CPAMD8: variants seen among roughly 807,000 people sequenced by gnomAD.
CPAMD8 encodes C3 and PZP-like alpha-2-macroglobulin domain-containing protein 8.
CPAMD8 carries 146 observed loss-of-function variants against 224.7 expected under a neutral mutation model. That is an observed-to-expected ratio of 0.65 (90% CI 0.57 to 0.75). The LOEUF is 0.75. CPAMD8 is among the 30% of genes least tolerant of loss of function. The pLI is 0.00. For missense variants in CPAMD8, 2,301 were observed against 2,537.5 expected, an observed-to-expected ratio of 0.91 and a Z score of 2.00; for synonymous variants, 966 against 1,044.6, an observed-to-expected ratio of 0.92 and a Z score of 1.45.
At chr19:16,966,556 A>G (rs1364910990) in intron 18 of CPAMD8, among the ~76,000 whole-genome samples, 1 of 152,234 alleles carries the variant, frequency 6.6e-6, no homozygotes, top group Non-Finnish European at 1.5e-5. Flanking sequence ...TGAACAGGCA[A>G]CCTACAGATT....
intron 20 of CPAMD8, among the ~76,000 whole-genome samples, chr19:16,949,695 T>C (rs2122327333): frequency 6.6e-6 from 1 of 152,272 alleles, no homozygotes; most frequent in Admixed American, 6.5e-5. Flanking sequence ...AGCCAAACTA[T>C]GTCTGAGGCA....
intron 19 of CPAMD8, among the ~76,000 whole-genome samples, chr19:16,953,000 T>C (rs1002587848): frequency 2.6e-5 from 4 of 152,118 alleles, no homozygotes; most frequent in African/African-American, 9.7e-5. Context: ...CAAATCAATG[T>C]GTTACTGGCA....
intron 17 of CPAMD8, among the ~76,000 whole-genome samples, chr19:16,973,254 G>A (rs1426753098): frequency 1.3e-5 from 2 of 152,188 alleles, no homozygotes; most frequent in African/African-American, 4.8e-5. Context: ...AGGCATGTGG[G>A]TATTTGTCTA....
At chr19:16,918,572 C>T (rs542112500) in intron 27 of CPAMD8, among the ~76,000 whole-genome samples, 14 of 151,786 alleles carry the variant, frequency 9.2e-5, no homozygotes, top group East Asian at 5.8e-4. Context: ...CTCAGCCTCC[C>T]CAGTAGTTGG....
chr19:16,911,338 T>G (rs2144810875), intron 29 of CPAMD8, among the ~76,000 whole-genome samples: 1 of 152,188 alleles, frequency 6.6e-6, no homozygotes, highest in Middle Eastern at 3.4e-3. Context: ...TGTGAGGCAT[T>G]TGCTGGCAGA....
intron 22 of CPAMD8, among the ~76,000 whole-genome samples, chr19:16,943,398 T>C (rs2053970225): frequency 6.6e-6 from 1 of 151,986 alleles, no homozygotes; most frequent in African/African-American, 2.4e-5. Context: ...TTTATTTATT[T>C]ATTTATTCAT....
chr19:16,896,012 C>T, intron 41 of CPAMD8, 164 bp downstream of exon 41: 3 of 791,426 alleles, frequency 3.8e-6, no homozygotes, highest in South Asian at 1.4e-5. Flanking sequence ...CCACTTTGTC[C>T]CCAGGAACTC....
At chr19:16,965,350 T>C (rs1280826244) in intron 18 of CPAMD8, among the ~76,000 whole-genome samples, 1 of 151,972 alleles carries the variant, frequency 6.6e-6, no homozygotes, top group Non-Finnish European at 1.5e-5. Context: ...CTCAAAATAA[T>C]AAGGGCTATT....
intron 19 of CPAMD8, among the ~76,000 whole-genome samples, chr19:16,953,267 A>C (rs1393349572): frequency 6.6e-6 from 1 of 152,114 alleles, no homozygotes; most frequent in Non-Finnish European, 1.5e-5. Context: ...AACTCTTAGA[A>C]GAAAACAGGG....
intron 13 of CPAMD8, 79 bp from the exon 14 acceptor site, chr19:16,980,765 GC>G: frequency 8.3e-7 from 1 of 1,200,438 alleles, no homozygotes; most frequent in Non-Finnish European, 1.2e-6. Context: ...CCATTCTGGG[GC>G]CAGAGGGAGG....
intron 18 of CPAMD8, among the ~76,000 whole-genome samples, chr19:16,963,416 T>C (rs1295117200): frequency 6.6e-6 from 1 of 152,130 alleles, no homozygotes; most frequent in Non-Finnish European, 1.5e-5. Flanking sequence ...AAACAGACTT[T>C]AAACCAACAA....
rs148006937 is a variant in CPAMD8 at position 16,983,856 on chromosome 19, A to G, written c.1396-3170T>C. On this transcript the variant is annotated intron_variant, in intron 13 of 41. Transcript: ENST00000443236. ...TCAATGGCCTTTTTTGCAGAAATGGAACTGATCTTAAAATTTATATGAAAA... is the reference window on the plus strand; with the variant it reads ...TCAATGGCCTTTTTTGCAGAAATGGGACTGATCTTAAAATTTATATGAAAA... Among the ~76,000 whole-genome samples the G allele has an allele frequency of 5.3e-4, 80 of 152,306 alleles. 2 individuals carry two copies. In the East Asian group the frequency reaches 0.015, roughly 28 times the overall value.
At chr19:16,909,273 G>A (rs1006043970) in intron 29 of CPAMD8, among the ~76,000 whole-genome samples, 2 of 152,080 alleles carry the variant, frequency 1.3e-5, no homozygotes, top group Non-Finnish European at 2.9e-5. Flanking sequence ...GGCTGGGCAC[G>A]GTGGCTCACG....
chr19:16,921,922 G>A lies in CPAMD8; in HGVS notation c.3612C>T (p.Asp1204=), dbSNP rs371955239. ...DGSYSAFGER[D]ASGSMWLTAF... is the part of the protein sequence containing the mutation. The stretch of plus-strand genomic sequence containing the variant: ...GGACTCACCACATGCTCCCCGATGC[G>A]TCCCGCTCCCCAAACGCGCTGTAGG... The change falls in exon 27 of 42, where the codon GAC becomes GAT. Residue 1204 remains aspartate (D), a synonymous_variant. Coordinates refer to ENST00000443236, the MANE Select transcript of CPAMD8 (RefSeq NM_015692.5). 1.8e-5 allele frequency: 28 copies of A among 1,545,406 alleles called. No homozygotes were observed. Among genetic ancestry groups the A allele is most frequent in the Admixed American group, 2.0e-5 (1 of 50,962 alleles).
At chr19:17,011,865 G>T in intron 3 of CPAMD8, 108 bp from the exon 4 acceptor site, 1 of 1,289,400 alleles carries the variant, frequency 7.8e-7, no homozygotes, top group Non-Finnish European at 1.1e-6. Flanking sequence ...CCCCAGGAGT[G>T]ACTGTGCCCC....
chr19:16,921,721 G>C (rs1270846297), intron 27 of CPAMD8, among the ~76,000 whole-genome samples, 184 bp downstream of exon 27: 3 of 152,166 alleles, frequency 2.0e-5, no homozygotes, highest in African/African-American at 7.2e-5. Context: ...CACCAGCTCT[G>C]CACTGGCCCC....
Position 17,011,767 on chromosome 19 carries a change from G to A in CPAMD8, c.268-10C>T, listed in dbSNP as rs759928175. 1 of 1,611,530 alleles carries A rather than the reference G, an allele frequency of 6.2e-7. No individual in the cohort carries two copies. Among genetic ancestry groups the A allele is most frequent in the Admixed American group, 1.7e-5 (1 of 59,382 alleles). ...GGAGGCCCGTGGGCACCTGCAGGCA[G>A]AGGAAGGAGCTTTGGGACAAGAATT... On this transcript the variant is annotated splice_polypyrimidine_tract_variant and intron_variant, in intron 3 of 41. Coordinates refer to ENST00000443236, the MANE Select transcript of CPAMD8 (RefSeq NM_015692.5).
intron 29 of CPAMD8, chr19:16,910,647 T>A (rs1211302731): frequency 1.3e-5 from 2 of 152,052 alleles, no homozygotes. Context: ...TCTCAAGAGG[T>A]CACCATATTG....
chr19:17,016,657 G>A (rs1262215363), intron 3 of CPAMD8, among the ~76,000 whole-genome samples: 1 of 152,156 alleles, frequency 6.6e-6, no homozygotes, highest in African/African-American at 2.4e-5. Context: ...CTACTCAGGA[G>A]GCTGAGGCAG....
Sources: gnomAD v4.1 joint callset for allele counts (sites outside exome capture counted in the v4.1 genomes callset) on GRCh38, gnomAD v4.1.1 for gene constraint, MANE v1.5 for transcripts, NCBI Gene and HGNC (gene_info 2026-07-23, HGNC 2026-07-21) for gene names.